Variants in GRID2 observed in about 807,000 individuals in gnomAD.
GRID2 encodes glutamate receptor ionotropic, delta-2.
Under a neutral mutation model 114.8 loss-of-function variants are expected in GRID2, and 33 were observed. That is an observed-to-expected ratio of 0.29 (90% confidence interval 0.22 to 0.38). GRID2 has a LOEUF of 0.38. Ranked by LOEUF, GRID2 falls within the 10% of genes least tolerant of loss-of-function variation. The pLI is 1.00. For missense variants in GRID2, 1,184 were observed against 1,257.7 expected (o/e 0.94, Z 0.89); for synonymous variants, 505 against 449.9 (o/e 1.12, Z -1.55).
chr4:93,178,380 ATTTTTTTTTT>A (rs11428288), intron 4 of GRID2, among the ~76,000 whole-genome samples: 48 of 50,330 alleles, frequency 9.5e-4, no homozygotes, highest in South Asian at 2.2e-3. Context: ...TTGAAAATAG[ATTTTTTTTTT>A]TTTTTTTTTT....
intron 2 of GRID2, among the ~76,000 whole-genome samples, chr4:92,928,974 G>A (rs1357944639): frequency 2.0e-5 from 3 of 151,200 alleles, no homozygotes; most frequent in African/African-American, 4.9e-5. Context: ...CCCAAATGAA[G>A]CCCAAATTAA....
chr4:92,613,543 CTT>C (rs1729856295), intron 2 of GRID2, among the ~76,000 whole-genome samples: 2 of 151,478 alleles, frequency 1.3e-5, no homozygotes, highest in South Asian at 2.1e-4. Context: ...GTTCTGAAGA[CTT>C]TTTGCAATAA....
intron 2 of GRID2, among the ~76,000 whole-genome samples, chr4:92,748,486 G>A (rs1427209370): frequency 6.6e-6 from 1 of 152,000 alleles, no homozygotes; most frequent in East Asian, 1.9e-4. Context: ...GGTAGTAAAT[G>A]TTTTGCAGCC....
intron 10 of GRID2, among the ~76,000 whole-genome samples, chr4:93,437,293 G>A (rs1260721412): frequency 6.6e-6 from 1 of 152,070 alleles, no homozygotes; most frequent in Non-Finnish European, 1.5e-5. Context: ...CTTGCCCATA[G>A]TCACATAGCC....
At chr4:93,290,961 T>C (rs1194378533) in intron 8 of GRID2, among the ~76,000 whole-genome samples, 2 of 136,884 alleles carry the variant, frequency 1.5e-5, no homozygotes, top group Non-Finnish European at 3.0e-5. Context: ...CACTGCAAGC[T>C]CCGCCTCCCG....
chr4:92,720,557 A>G (rs933370471), intron 2 of GRID2, among the ~76,000 whole-genome samples: 1 of 152,058 alleles, frequency 6.6e-6, no homozygotes, highest in African/African-American at 2.4e-5. Context: ...ATAAATAATA[A>G]AACTCTTGTC....
intron 2 of GRID2, among the ~76,000 whole-genome samples, chr4:92,818,662 G>A (rs539196342): frequency 1.4e-4 from 22 of 152,070 alleles, no homozygotes; most frequent in Non-Finnish European, 2.5e-4. Flanking sequence ...TTGATGAGTC[G>A]CTATACCATT....
chr4:92,687,694 T>C (rs1244868426), intron 2 of GRID2, among the ~76,000 whole-genome samples: 2 of 152,016 alleles, frequency 1.3e-5, no homozygotes, highest in Non-Finnish European at 2.9e-5. Flanking sequence ...CTGGGCGTTG[T>C]GGCCCGCGCC....
At chr4:93,114,668 T>A (rs772508404) in intron 4 of GRID2, among the ~76,000 whole-genome samples, 1 of 152,148 alleles carries the variant, frequency 6.6e-6, no homozygotes, top group African/African-American at 2.4e-5. Context: ...CAATTAGTTG[T>A]TCTCAGACAC....
chr4:93,337,851 A>G (rs1759244396), intron 8 of GRID2, among the ~76,000 whole-genome samples: 2 of 152,328 alleles, frequency 1.3e-5, no homozygotes, highest in African/African-American at 4.8e-5. Context: ...CATTCAAACT[A>G]GTATTTGTAC....
intron 2 of GRID2, among the ~76,000 whole-genome samples, chr4:93,064,050 A>AAT (rs34697331): frequency 0.45 from 67,790 of 149,572 alleles, 15,963 homozygotes; most frequent in Middle Eastern, 0.57. Context: ...TTACGCTGTT[A>AAT]ATGTTACATT....
intron 2 of GRID2, among the ~76,000 whole-genome samples, chr4:93,019,299 T>C (rs1354997953): frequency 1.3e-5 from 2 of 152,314 alleles, no homozygotes; most frequent in Admixed American, 6.5e-5. Context: ...ATTACTTACA[T>C]TTGCTTCTAT....
intron 4 of GRID2, among the ~76,000 whole-genome samples, chr4:93,198,025 C>A (rs1741677368): frequency 2.0e-5 from 3 of 152,000 alleles, no homozygotes; most frequent in African/African-American, 7.2e-5. Flanking sequence ...ATAGTTTAGT[C>A]CTAGGTGAGG....
chr4:93,175,351 A>G (rs1739253236), intron 4 of GRID2, among the ~76,000 whole-genome samples: 1 of 152,042 alleles, frequency 6.6e-6, no homozygotes, highest in Non-Finnish European at 1.5e-5. Context: ...TTGTATTTTT[A>G]GTACAGACGA....
At chr4:93,673,563 A>G (rs1724605113) in intron 14 of GRID2, among the ~76,000 whole-genome samples, 1 of 152,138 alleles carries the variant, frequency 6.6e-6, no homozygotes, top group Non-Finnish European at 1.5e-5. Context: ...TTTTCACAAG[A>G]CATTATTTTT....
intron 2 of GRID2, among the ~76,000 whole-genome samples, chr4:92,829,365 T>C (rs62310246): frequency 0.027 from 4,068 of 152,154 alleles, 89 homozygotes; most frequent in Non-Finnish European, 0.041. Context: ...ATTGGAGAAA[T>C]GCAAATCAAA....
At chr4:93,661,406 T>C (rs1723479725) in intron 14 of GRID2, among the ~76,000 whole-genome samples, 1 of 152,204 alleles carries the variant, frequency 6.6e-6, no homozygotes, top group African/African-American at 2.4e-5. Flanking sequence ...CTTTGCTTTT[T>C]AAAATGACAC....
intron 14 of GRID2, among the ~76,000 whole-genome samples, chr4:93,645,343 A>C (rs1045900478): frequency 6.6e-6 from 1 of 152,282 alleles, no homozygotes; most frequent in South Asian, 2.1e-4. Context: ...TTGGGGCACC[A>C]GAGGATGATA....
At chr4:93,601,144 G>T (rs921163591) in intron 13 of GRID2, among the ~76,000 whole-genome samples, 3 of 152,158 alleles carry the variant, frequency 2.0e-5, no homozygotes, top group African/African-American at 7.2e-5. Context: ...TGCTTTTCAT[G>T]ATAAGTAAAT....
Sources: gnomAD v4.1 joint callset for allele counts (sites outside exome capture counted in the v4.1 genomes callset) on GRCh38, gnomAD v4.1.1 for gene constraint, MANE v1.5 for transcripts, NCBI Gene and HGNC (gene_info 2026-07-23, HGNC 2026-07-21) for gene names.